The following ERO1B variants were observed in gnomAD, a reference collection of about 807,000 sequenced individuals.
The protein encoded by ERO1B is ERO1-like protein beta.
In ERO1B, 49 loss-of-function variants were observed where a neutral mutation model predicts 75.3. The ratio of observed to expected loss-of-function variants is 0.65; its 90% CI spans 0.52 to 0.83. ERO1B has a LOEUF of 0.83. Ranked by LOEUF, ERO1B falls within the 40% of genes least tolerant of loss-of-function variation. The pLI, the probability that ERO1B is intolerant of heterozygous loss-of-function variation, is 0.00. For missense variants in ERO1B, 512 were observed against 560.1 expected (o/e 0.91, Z 0.87); for synonymous variants, 191 against 192.9 (o/e 0.99, Z 0.08).
At position 236,281,873 on chromosome 1, in the gene ERO1B, C is replaced by T. The variant is rs2102970603; in HGVS notation, c.-90G>A. 2 of 990,880 alleles carry T rather than the reference C, an allele frequency of 2.0e-6. No individual in the cohort carries two copies. Among genetic ancestry groups the T allele is most frequent in the Middle Eastern group, 3.6e-4 (1 of 2,810 alleles). The allele number at this position is 990,880 out of a possible 1,614,324, so 61.4% of individuals were successfully genotyped here. A position where few individuals can be genotyped will look rare whatever the true frequency, so the allele number is the denominator to read the frequency against. On this transcript the variant is annotated 5_prime_UTR_variant, in exon 1 of 16. Transcript: ENST00000354619. ...GGCGACGACCCAAGGGGACGGTTCC[C>T]AGCGGCCGAGCGACTCCAGGGTCAG...
chr1:236,242,068 A>C (rs1484372004), intron 6 of ERO1B, among the ~76,000 whole-genome samples: 2 of 16,202 alleles, frequency 1.2e-4, no homozygotes, highest in Non-Finnish European at 1.7e-3. Context: ...ACTCTGTCTC[A>C]AAAAAAAAAA....
intron 15 of ERO1B, among the ~76,000 whole-genome samples, chr1:236,219,287 G>T (rs897103592): frequency 1.3e-5 from 2 of 152,130 alleles, no homozygotes; most frequent in African/African-American, 2.4e-5. Flanking sequence ...TGATTTGCCT[G>T]AGTTCATACC....
chr1:236,279,843 CAAAA>C (rs60949594), intron 1 of ERO1B, among the ~76,000 whole-genome samples: 13 of 135,274 alleles, frequency 9.6e-5, no homozygotes, highest in East Asian at 2.2e-4. Flanking sequence ...GACACTATCT[CAAAA>C]AAAAAAAAAA....
In ERO1B at chr1:236,218,311, T is replaced by C. The variant is rs1664048388; in HGVS notation, c.*205A>G. ...ACACAAAATTAGTATAACTTACATG[T>C]TTTAAAAGTATATACTTCATTTATA... On this transcript the variant is annotated 3_prime_UTR_variant, in exon 16 of 16. Transcript: ENST00000354619. The C allele has an allele frequency of 3.3e-6, 1 of 301,558 alleles. No homozygotes were observed. Among genetic ancestry groups the C allele is most frequent in the Non-Finnish European group, 5.7e-6 (1 of 176,138 alleles). 18.7% of individuals were successfully genotyped at this position (301,558 alleles called of 1,614,324 possible).
chr1:236,225,185 C>T lies in ERO1B; in HGVS notation c.1053-46G>A, dbSNP rs572496172. The T allele has an allele frequency of 6.4e-6, 10 of 1,553,866 alleles. No homozygotes were observed. In the East Asian group the frequency reaches 9.0e-5, roughly 14 times the overall value. ...GATTAAGTTACACATGAAAAATCCA[C>T]GTACTCTGTATCAGAAACCTGATAA... On this transcript the variant is annotated intron_variant, in intron 12 of 15. Coordinates refer to ENST00000354619, the MANE Select transcript of ERO1B (RefSeq NM_019891.4).
At chr1:236,280,865 C>CAATCAATTCAAATTCTACTGAATAGAA (rs1308861400) in intron 1 of ERO1B, among the ~76,000 whole-genome samples, 1 of 152,164 alleles carries the variant, frequency 6.6e-6, no homozygotes, top group East Asian at 1.9e-4. Context: ...CAGCACCTGG[C>CAATCAATTCAAATTCTACTGAATAGAA]AATCAATTCA....
Position 236,216,552 on chromosome 1 carries a change from G to A in ERO1B, c.*1964C>T, listed in dbSNP as rs1572023605. On this transcript the variant is annotated 3_prime_UTR_variant, in exon 16 of 16. Coordinates refer to ENST00000354619, the MANE Select transcript of ERO1B (RefSeq NM_019891.4). Reference sequence around the variant, plus strand: ...TAAAAAGAACTTTTTACTCTAACCAGATCTTTTAATTTCCTAGAACATACT... The same window carrying A: ...TAAAAAGAACTTTTTACTCTAACCAAATCTTTTAATTTCCTAGAACATACT... The A allele has an allele frequency of 6.6e-6, 1 of 152,100 alleles. No individual in the cohort carries two copies. Among genetic ancestry groups the A allele is most frequent in the East Asian group, 1.9e-4 (1 of 5,176 alleles). 9.4% of individuals were successfully genotyped at this position (152,100 alleles called of 1,614,324 possible). A position where few individuals can be genotyped will look rare whatever the true frequency, so the allele number is the denominator to read the frequency against.
chr1:236,254,619 T>C (rs1295816930), intron 2 of ERO1B, among the ~76,000 whole-genome samples: 1 of 152,162 alleles, frequency 6.6e-6, no homozygotes, highest in Non-Finnish European at 1.5e-5. Context: ...CTTTATTTTT[T>C]TTTTATTTTT....
intron 1 of ERO1B, among the ~76,000 whole-genome samples, chr1:236,280,313 A>G (rs764305298): frequency 6.6e-6 from 1 of 152,272 alleles, no homozygotes; most frequent in Admixed American, 6.5e-5. Flanking sequence ...ACACTCAACT[A>G]GTGACTAGAA....
intron 1 of ERO1B, among the ~76,000 whole-genome samples, chr1:236,274,046 C>G (rs182963353): frequency 1.4e-5 from 2 of 144,908 alleles, no homozygotes; most frequent in East Asian, 4.1e-4. Context: ...CGCAGGATCA[C>G]AGTCTTGGCT....
intron 5 of ERO1B, among the ~76,000 whole-genome samples, chr1:236,245,098 T>C (rs1376305630): frequency 6.6e-6 from 1 of 151,232 alleles, no homozygotes. Flanking sequence ...AAGTGATCCT[T>C]CTATCCTCAG....
intron 8 of ERO1B, among the ~76,000 whole-genome samples, chr1:236,233,746 A>G (rs541607139): frequency 7.6e-4 from 116 of 152,334 alleles, no homozygotes; most frequent in African/African-American, 2.7e-3. Flanking sequence ...CTCTCTGAAC[A>G]TTACTGTTTC....
chr1:236,260,459 G>A (rs866931405), intron 2 of ERO1B, among the ~76,000 whole-genome samples: 1 of 152,306 alleles, frequency 6.6e-6, no homozygotes, highest in African/African-American at 2.4e-5. Flanking sequence ...CAGGTCAGGA[G>A]TTCAAGACCA....
chr1:236,262,499 C>T (rs1433350320), intron 2 of ERO1B, among the ~76,000 whole-genome samples: 1 of 152,098 alleles, frequency 6.6e-6, no homozygotes, highest in Non-Finnish European at 1.5e-5. Context: ...GCCTCCCAGG[C>T]TCAAGTGATT....
intron 1 of ERO1B, among the ~76,000 whole-genome samples, chr1:236,279,254 G>T (rs965473258): frequency 2.6e-5 from 4 of 152,120 alleles, no homozygotes; most frequent in African/African-American, 7.2e-5. Context: ...TGTAATCCCA[G>T]CACTTTGGGA....
intron 2 of ERO1B, among the ~76,000 whole-genome samples, chr1:236,256,754 A>G (rs1405631): frequency 0.25 from 37,670 of 151,980 alleles, 4,854 homozygotes; most frequent in East Asian, 0.38. Flanking sequence ...TGAACACATC[A>G]AGAACCCCAA....
chr1:236,258,149 C>CAGAAAAAAAAAA (rs71559929), intron 2 of ERO1B, among the ~76,000 whole-genome samples: 2 of 96,570 alleles, frequency 2.1e-5, no homozygotes, highest in African/African-American at 4.8e-5. Context: ...AAAAACAAAG[C>CAGAAAAAAAAAA]AAAAAAAAAA....
At chr1:236,219,530 A>G (rs1298949990) in intron 15 of ERO1B, among the ~76,000 whole-genome samples, 2 of 152,180 alleles carry the variant, frequency 1.3e-5, no homozygotes, top group East Asian at 3.8e-4. Flanking sequence ...AGTTATTTAC[A>G]ATATTTTTCA....
chr1:236,254,613 AT>A (rs1019601702), intron 2 of ERO1B, among the ~76,000 whole-genome samples: 12 of 149,224 alleles, frequency 8.0e-5, no homozygotes, highest in East Asian at 3.9e-4. Context: ...CAAGATCTTT[AT>A]TTTTTTTTTA....
Sources: gnomAD v4.1 joint callset for allele counts (sites outside exome capture counted in the v4.1 genomes callset) on GRCh38, gnomAD v4.1.1 for gene constraint, MANE v1.5 for transcripts, NCBI Gene and HGNC (gene_info 2026-07-23, HGNC 2026-07-21) for gene names.